DNAH5: variants seen among roughly 807,000 people sequenced by gnomAD.
The protein encoded by DNAH5 is dynein axonemal heavy chain 5.
DNAH5 carries 372 observed loss-of-function variants against 518.2 expected under a neutral mutation model. The observed-to-expected ratio is 0.72, with a 90% CI of 0.66 to 0.78. The LOEUF (loss-of-function observed/expected upper bound fraction) is 0.78. DNAH5 is among the 30% of genes least tolerant of loss of function. DNAH5 has a pLI of 0.00. For missense variants in DNAH5, 5,523 were observed against 5,687.0 expected (o/e 0.97, Z 0.93); for synonymous variants, 2,039 against 2,025.9 (o/e 1.01, Z -0.17).
intron 21 of DNAH5, among the ~76,000 whole-genome samples, chr5:13,879,168 C>A (rs1253976786): frequency 6.6e-6 from 1 of 152,108 alleles, no homozygotes; most frequent in East Asian, 1.9e-4. Context: ...GAAACCAACA[C>A]AGAGGGTCAA....
chr5:13,898,449 CTGGTA>C (rs1774179115), intron 15 of DNAH5: 3 of 398,004 alleles, frequency 7.5e-6, no homozygotes, highest in Non-Finnish European at 1.3e-5. Flanking sequence ...AACATGCTGA[CTGGTA>C]TTTTATGAGT....
chr5:13,881,185 T>C, intron 21 of DNAH5, among the ~76,000 whole-genome samples: 1 of 151,944 alleles, frequency 6.6e-6, no homozygotes, highest in East Asian at 1.9e-4. Flanking sequence ...AGACACAGAC[T>C]AGAACACAAT....
At chr5:13,991,608 G>GGGGAGA (rs1783557352) in intron 1 of DNAH5, among the ~76,000 whole-genome samples, 1 of 151,494 alleles carries the variant, frequency 6.6e-6, no homozygotes, top group African/African-American at 2.4e-5. Flanking sequence ...GGAGGAGGAA[G>GGGGAGA]GGGAGAGGGA....
At position 13,793,256 on chromosome 5, in the gene DNAH5, T is replaced by C. The variant is rs375980397; in HGVS notation, c.8224+259A>G. Among the ~76,000 whole-genome samples, 18 of 152,306 alleles carry C rather than the reference T, an allele frequency of 1.2e-4. No homozygotes were observed. In the South Asian group the frequency reaches 2.5e-3, roughly 21 times the overall value. On this transcript the variant is annotated intron_variant, in intron 49 of 78. Transcript: ENST00000265104. ...ATTTCATTTCCATGTTCATTTAATG[T>C]TAAACCTCCTTGCTTAAGAAGTTAG...
chr5:13,709,739 G>T (rs1419343391), intron 75 of DNAH5, among the ~76,000 whole-genome samples: 1 of 152,188 alleles, frequency 6.6e-6, no homozygotes, highest in Non-Finnish European at 1.5e-5. Context: ...AACTGCAGAA[G>T]TGGGAAAGGG....
In DNAH5 at chr5:13,894,496, T is replaced by C. The variant is rs552987445; in HGVS notation, c.2431+154A>G. ...TTATAGTTTCCAGGAAATTACTGAATTCGCATGTTTTGGAACACTTCCTTA... is the reference window on the plus strand; with the variant it reads ...TTATAGTTTCCAGGAAATTACTGAACTCGCATGTTTTGGAACACTTCCTTA... On this transcript the variant is annotated intron_variant, in intron 16 of 78. Coordinates refer to ENST00000265104, the MANE Select transcript of DNAH5 (RefSeq NM_001369.3). 1.3e-4 allele frequency among the ~76,000 whole-genome samples: 20 copies of C among 152,338 alleles called. 1 individual carries two copies. The highest frequency in any genetic ancestry group is 8.3e-4 in the South Asian group (4 of 4,832).
chr5:13,712,471 G>A (rs1743620549), intron 75 of DNAH5, among the ~76,000 whole-genome samples: 1 of 152,120 alleles, frequency 6.6e-6, no homozygotes, highest in African/African-American at 2.4e-5. Context: ...TATATAGTTG[G>A]GACCTAATTA....
intron 32 of DNAH5, among the ~76,000 whole-genome samples, chr5:13,844,227 A>G (rs1343990018): frequency 1.3e-5 from 2 of 152,206 alleles, no homozygotes; most frequent in Non-Finnish European, 2.9e-5. Context: ...AGGATGAAGA[A>G]ATGGATGTTA....
At chr5:13,967,578 G>C (rs953249321) in intron 1 of DNAH5, among the ~76,000 whole-genome samples, 1 of 152,178 alleles carries the variant, frequency 6.6e-6, no homozygotes, top group African/African-American at 2.4e-5. Flanking sequence ...GATGACTATA[G>C]CCTTATAGTA....
chr5:13,901,293 G>A lies in DNAH5; in HGVS notation c.2011C>T (p.Leu671=), dbSNP rs1774579141. The part of the protein sequence containing the change: ...RSYNRMAKVL[L]EFEVLFHRAW... ...CTGTGGAAGAGGACCTCAAACTCCA[G>A]GAGGACCTTGGCCATCCTGTTGTAA... The change falls in exon 14 of 79, where the codon CTG becomes TTG. Residue 671 remains leucine (L), a synonymous_variant. Transcript: ENST00000265104. The A allele has an allele frequency of 6.2e-7, 1 of 1,614,024 alleles. No individual in the cohort carries two copies. The highest frequency in any genetic ancestry group is 8.5e-7 in the Non-Finnish European group (1 of 1,180,030).
intron 70 of DNAH5, among the ~76,000 whole-genome samples, chr5:13,723,520 A>G (rs1017951047): frequency 6.6e-6 from 1 of 152,236 alleles, no homozygotes; most frequent in Non-Finnish European, 1.5e-5. Context: ...CATCCAAGCC[A>G]TGAGCTAACA....
At chr5:13,728,519 C>G (rs1411385657) in intron 69 of DNAH5, among the ~76,000 whole-genome samples, 9 of 152,110 alleles carry the variant, frequency 5.9e-5, no homozygotes, top group Admixed American at 5.9e-4. Flanking sequence ...GATATCATCT[C>G]CAGAAGGTAG....
chr5:13,769,788 C>T (rs1208808236), intron 56 of DNAH5, among the ~76,000 whole-genome samples, 173 bp from the exon 57 acceptor site: 1 of 152,196 alleles, frequency 6.6e-6, no homozygotes, highest in Non-Finnish European at 1.5e-5. Flanking sequence ...TGACTCTAGA[C>T]TGATAACATG....
At chr5:13,991,430 C>T (rs1783532573) in intron 1 of DNAH5, among the ~76,000 whole-genome samples, 1 of 151,090 alleles carries the variant, frequency 6.6e-6, no homozygotes. Context: ...TCAGACAGAC[C>T]CAGACCCAAG....
rs1561407249 is a variant in DNAH5, at chr5:13,842,437, A to AGAGAGAGAGAGAGAGAGAGAG, written c.5272-534_5272-533insCTCTCTCTCTCTCTCTCTCTC. On this transcript the variant is annotated intron_variant, in intron 32 of 78. Coordinates refer to ENST00000265104, the MANE Select transcript of DNAH5 (RefSeq NM_001369.3). ...GAAAAGAAAAGAAAAGAAAGAAAGA[A>AGAGAGAGAGAGAGAGAGAGAG]AGAAAGAAAGAAAGAAAGAAAGAAA... Among the ~76,000 whole-genome samples, 717 of 91,340 alleles carry AGAGAGAGAGAGAGAGAGAGAG rather than the reference A, an allele frequency of 7.8e-3. 94 individuals are homozygous for AGAGAGAGAGAGAGAGAGAGAG. Among genetic ancestry groups the AGAGAGAGAGAGAGAGAGAGAG allele is most frequent in the Middle Eastern group, 0.016 (3 of 190 alleles). The allele number at this position is 91,340 out of a possible 152,430, so 59.9% of individuals were successfully genotyped here.
chr5:13,753,638 A>C, intron 62 of DNAH5, 89 bp from the exon 63 acceptor site: 1 of 1,209,988 alleles, frequency 8.3e-7, no homozygotes, highest in Non-Finnish European at 1.2e-6. Flanking sequence ...TTAAAAAGAC[A>C]ATAATTCTTT....
intron 6 of DNAH5, among the ~76,000 whole-genome samples, chr5:13,920,174 T>A (rs1439023707): frequency 6.6e-6 from 1 of 152,224 alleles, no homozygotes; most frequent in African/African-American, 2.4e-5. Context: ...CATACTAAAT[T>A]AGAAAACTCC....
At chr5:13,737,931 C>T (rs547001891) in intron 65 of DNAH5, among the ~76,000 whole-genome samples, 6 of 152,116 alleles carry the variant, frequency 3.9e-5, no homozygotes, top group African/African-American at 7.2e-5. Context: ...GGCATGGTGG[C>T]TCATGCCTGT....
At chr5:13,957,541 C>T (rs1780843248) in intron 1 of DNAH5, among the ~76,000 whole-genome samples, 1 of 151,914 alleles carries the variant, frequency 6.6e-6, no homozygotes, top group Non-Finnish European at 1.5e-5. Flanking sequence ...TTTTCTCTAT[C>T]TATATCATAT....
Sources: allele counts gnomAD v4.1 joint callset (sites outside exome capture counted in the v4.1 genomes callset), GRCh38; gene constraint gnomAD v4.1.1; transcripts MANE v1.5; gene names NCBI Gene and HGNC (gene_info 2026-07-23, HGNC 2026-07-21).